Variants in MAP3K13 observed in about 807,000 individuals in gnomAD.
MAP3K13 encodes mitogen-activated protein kinase kinase kinase 13, also known as leucine zipper-bearing kinase.
A neutral mutation model predicts 104.0 loss-of-function variants in MAP3K13; 52 were observed. The ratio of observed to expected loss-of-function variants is 0.50; its 90% CI spans 0.40 to 0.63. The LOEUF is 0.63. MAP3K13 is among the 20% of genes least tolerant of loss of function. The pLI is 0.00. For missense variants in MAP3K13, 914 were observed against 1,218.5 expected (o/e 0.75, Z 3.72); for synonymous variants, 394 against 442.2 (o/e 0.89, Z 1.37).
intron 1 of MAP3K13, among the ~76,000 whole-genome samples, chr3:185,420,769 T>C (rs1577536498): frequency 1.3e-5 from 2 of 152,256 alleles, no homozygotes; most frequent in African/African-American, 4.8e-5. Flanking sequence ...ATAAAAATCC[T>C]CAATTAGTAA....
intron 2 of MAP3K13, among the ~76,000 whole-genome samples, chr3:185,326,518 C>T (rs891056712): frequency 6.6e-6 from 1 of 152,156 alleles, no homozygotes. Context: ...GTTCCAGGCA[C>T]AGGTCCAACT....
At chr3:185,308,093 C>T (rs1721366724) in intron 2 of MAP3K13, among the ~76,000 whole-genome samples, 1 of 91,766 alleles carries the variant, frequency 1.1e-5, no homozygotes. Context: ...TTATTTTTTG[C>T]TGGGATTTGC....
At chr3:185,403,188 T>G (rs1712913726) in intron 1 of MAP3K13, among the ~76,000 whole-genome samples, 2 of 152,182 alleles carry the variant, frequency 1.3e-5, no homozygotes, top group Admixed American at 1.3e-4. Context: ...AGAGTTTAAT[T>G]CAGATCAGTT....
intron 2 of MAP3K13, among the ~76,000 whole-genome samples, chr3:185,350,563 T>C (rs1232208379): frequency 6.6e-6 from 1 of 152,228 alleles, no homozygotes; most frequent in African/African-American, 2.4e-5. Flanking sequence ...TCCATGTTTC[T>C]TGTTTGTTCA....
At chr3:185,349,455 T>C (rs1723058734) in intron 2 of MAP3K13, among the ~76,000 whole-genome samples, 1 of 151,900 alleles carries the variant, frequency 6.6e-6, no homozygotes, top group Admixed American at 6.6e-5. Context: ...CTTCATTCTT[T>C]TTATGGGTCT....
chr3:185,455,168 TGA>T lies in MAP3K13; in HGVS notation c.1278+3776_1278+3777del, dbSNP rs1250587655. Among the ~76,000 whole-genome samples, 20 of 40,720 alleles carry T rather than the reference TGA, an allele frequency of 4.9e-4. 1 individual carries two copies. The highest frequency in any genetic ancestry group is 9.8e-4 in the East Asian group (2 of 2,044). The allele number at this position is 40,720 out of a possible 152,430, so 26.7% of individuals were successfully genotyped here. A position where few individuals can be genotyped will look rare whatever the true frequency, so the allele number is the denominator to read the frequency against. On this transcript the variant is annotated intron_variant, in intron 7 of 13. Transcript: ENST00000265026. ...ATATGTGAGATATATATGATATATA[TGA>T]GATATATATGATATATATGAGATAT...
At position 185,463,585 on chromosome 3, in the gene MAP3K13, G is replaced by A; in HGVS notation, c.1314G>A (p.Glu438=). 5 of 1,611,728 alleles carry A rather than the reference G, an allele frequency of 3.1e-6. No homozygotes were observed. The highest frequency in any genetic ancestry group is 4.2e-6 in the Non-Finnish European group (5 of 1,178,166). Residue 438 remains glutamate (E), a synonymous_variant, in exon 8 of 14, where the codon GAG becomes GAA. Coordinates refer to ENST00000265026, the MANE Select transcript of MAP3K13 (RefSeq NM_004721.5). The stretch of plus-strand genomic sequence containing the variant: ...GAGAAGAAGTGAAAAAACATTTTGA[G>A]AAGATCAAAAGTGAAGGAACTTGTA... ...EWREEVKKHF[E]KIKSEGTCIH... is the part of the protein sequence containing the mutation.
chr3:185,324,869 T>A (rs1721994949), intron 2 of MAP3K13, among the ~76,000 whole-genome samples: 1 of 152,020 alleles, frequency 6.6e-6, no homozygotes, highest in Admixed American at 6.6e-5. Flanking sequence ...TTGACAAGAT[T>A]GGGATGCTGT....
At chr3:185,299,087 A>G (rs1220638292) in intron 2 of MAP3K13, among the ~76,000 whole-genome samples, 2 of 152,230 alleles carry the variant, frequency 1.3e-5, no homozygotes, top group Non-Finnish European at 2.9e-5. Flanking sequence ...GCAAGAGAAC[A>G]TTGTTCCCAT....
At chr3:185,476,408 G>A (rs1718133643) in intron 11 of MAP3K13, 1 of 147,208 alleles carries the variant, frequency 6.8e-6, no homozygotes, top group South Asian at 2.2e-4. Context: ...TAAGATTCAT[G>A]ATATTTTAGA....
At chr3:185,306,078 A>G (rs1721280460) in intron 2 of MAP3K13, among the ~76,000 whole-genome samples, 1 of 152,212 alleles carries the variant, frequency 6.6e-6, no homozygotes, top group African/African-American at 2.4e-5. Flanking sequence ...AATGGCCTCA[A>G]GCTGCATTCA....
chr3:185,343,977 A>G lies in MAP3K13; in HGVS notation c.-86+58334A>G, dbSNP rs774172178. ...TTCCAGGAGATCAAAGATACAGTGG[A>G]AAAACATTTCTTATTTGTTCCAATA... On this transcript the variant is annotated intron_variant, in intron 2 of 14. Coordinates refer to the MAP3K13 transcript ENST00000424227. Among the ~76,000 whole-genome samples, 47 of 152,250 alleles carry G rather than the reference A, an allele frequency of 3.1e-4. 1 individual carries two copies. Among genetic ancestry groups the G allele is most frequent in the Non-Finnish European group, 6.0e-4 (41 of 68,050 alleles).
chr3:185,482,517 C>A lies in MAP3K13; in HGVS notation c.*61C>A. The A allele has an allele frequency of 8.0e-7, 1 of 1,243,720 alleles. No individual in the cohort carries two copies. The highest frequency in any genetic ancestry group is 1.2e-5 in the South Asian group (1 of 82,338). 77.0% of individuals were successfully genotyped at this position (1,243,720 alleles called of 1,614,324 possible). ...ACTGGCATTTCAGATCCACCCCACC[C>A]CCAGACTCATCCCACTCTCTCCCAG... On this transcript the variant is annotated 3_prime_UTR_variant, in exon 14 of 14. Coordinates refer to ENST00000265026, the MANE Select transcript of MAP3K13 (RefSeq NM_004721.5). The surrounding 1 kb of genome is among the most constrained non-coding windows in gnomAD (Gnocchi z 4.5).
intron 2 of MAP3K13, among the ~76,000 whole-genome samples, chr3:185,301,557 C>T (rs1721111486): frequency 6.6e-6 from 1 of 152,126 alleles, no homozygotes; most frequent in Non-Finnish European, 1.5e-5. Context: ...AAGCTTTTCC[C>T]CTGTGTTATC....
At chr3:185,293,386 C>T (rs995432616) in intron 2 of MAP3K13, among the ~76,000 whole-genome samples, 3 of 151,846 alleles carry the variant, frequency 2.0e-5, no homozygotes, top group South Asian at 2.1e-4. Context: ...CCTGGGATTA[C>T]AGGCGTGAGC....
Position 185,480,464 on chromosome 3 carries a change from G to A in MAP3K13, c.2734G>A (p.Ala912Thr). 2 of 1,614,208 alleles carry A rather than the reference G, an allele frequency of 1.2e-6. No individual in the cohort carries two copies. Among genetic ancestry groups the A allele is most frequent in the East Asian group, 2.2e-5 (1 of 44,884 alleles). ...GGATGGGCTCTCTGACAAGGAGTGTGCCGTGCGCCGTGTGAAGACTCAGAT... is the reference window on the plus strand; with the variant it reads ...GGATGGGCTCTCTGACAAGGAGTGTACCGTGCGCCGTGTGAAGACTCAGAT... Reference protein sequence around the residue: ...HSDGLSDKECAVRRVKTQMSL... With the variant: ...HSDGLSDKECTVRRVKTQMSL... The change falls in exon 13 of 14, where the codon GCC (alanine) becomes ACC (threonine). Residue 912 changes from alanine (A) to threonine (T), a missense_variant. By Grantham distance (58) the Ala-to-Thr change is moderately conservative. Around this residue, in one of 3 missense-constraint regions of MAP3K13, gnomAD observed 583 missense variants for 737.4 expected, o/e 0.79. Coordinates refer to ENST00000265026, the MANE Select transcript of MAP3K13 (RefSeq NM_004721.5).
At chr3:185,291,899 T>A in intron 2 of MAP3K13, 1 of 1,135,460 alleles carries the variant, frequency 8.8e-7, no homozygotes, top group Non-Finnish European at 1.1e-6. Context: ...GAGACAGTGC[T>A]TTCCAAAAAA....
intron 1 of MAP3K13, 35 bp from the exon 2 acceptor site, chr3:185,428,462 A>T: frequency 7.4e-7 from 1 of 1,350,472 alleles, no homozygotes; most frequent in Non-Finnish European, 9.9e-7. Context: ...TACTAAAGAA[A>T]GGATGATCTC....
At chr3:185,454,420 AGATATATAT>A (rs1560116523) in intron 7 of MAP3K13, among the ~76,000 whole-genome samples, 1 of 19,428 alleles carries the variant, frequency 5.1e-5, no homozygotes, top group African/African-American at 8.8e-5. Context: ...GAGATATATG[AGATATATAT>A]GATATATATG....
Sources: allele counts gnomAD v4.1 joint callset (sites outside exome capture counted in the v4.1 genomes callset), GRCh38; gene constraint gnomAD v4.1.1; regional missense constraint gnomAD v4.1.1; non-coding constraint Gnocchi (gnomAD v3.1); transcripts MANE v1.5; gene names NCBI Gene and HGNC (gene_info 2026-07-23, HGNC 2026-07-21).